The following DDR2 variants were observed in gnomAD, a reference collection of about 807,000 sequenced individuals.
The protein encoded by DDR2 is discoidin domain receptor tyrosine kinase 2, also known as discoidin domain-containing receptor 2.
Under a neutral mutation model 94.9 loss-of-function variants are expected in DDR2, and 27 were observed. The observed-to-expected ratio is 0.28, with a 90% confidence interval of 0.21 to 0.39. DDR2 has a LOEUF of 0.39. Ranked by LOEUF, DDR2 falls within the 10% of genes least tolerant of loss-of-function variation. The pLI, the probability that DDR2 is intolerant of heterozygous loss-of-function variation, is 1.00. For missense variants in DDR2, 783 were observed against 1,076.0 expected (o/e 0.73, Z 3.81); for synonymous variants, 382 against 377.2 (o/e 1.01, Z -0.15).
intron 9 of DDR2, among the ~76,000 whole-genome samples, chr1:162,762,302 T>G (rs1255499240): frequency 1.3e-5 from 2 of 152,230 alleles, no homozygotes; most frequent in Admixed American, 1.3e-4. Flanking sequence ...GGTGCTTACA[T>G]CTACAGGTTA....
At chr1:162,755,810 C>T in intron 7 of DDR2, 41 bp downstream of exon 7, 1 of 1,489,676 alleles carries the variant, frequency 6.7e-7, no homozygotes, top group Non-Finnish European at 9.4e-7. Flanking sequence ...AAATTGGCCA[C>T]TAAGAAAGAA....
chr1:162,657,221 C>T (rs534614165), intron 2 of DDR2, among the ~76,000 whole-genome samples: 3 of 152,212 alleles, frequency 2.0e-5, no homozygotes, highest in Non-Finnish European at 1.5e-5. Flanking sequence ...CCTGTGAAGC[C>T]TGATTTTGGT....
chr1:162,786,999 C>A lies in DDR2; in HGVS notation c.*6753C>A, dbSNP rs1648176256. On this transcript the variant is annotated 3_prime_UTR_variant, in exon 18 of 18. Transcript: ENST00000367921. ...CACAAACCAAAAAAAACTATGAAAACCAGAATTTAGACTCAGTCATTATAC... is the reference window on the plus strand; with the variant it reads ...CACAAACCAAAAAAAACTATGAAAAACAGAATTTAGACTCAGTCATTATAC... The A allele has an allele frequency of 6.6e-6, 1 of 152,142 alleles. No homozygotes were observed. Among genetic ancestry groups the A allele is most frequent in the African/African-American group, 2.4e-5 (1 of 41,426 alleles). 9.4% of individuals were successfully genotyped at this position (152,142 alleles called of 1,614,324 possible).
intron 3 of DDR2, among the ~76,000 whole-genome samples, chr1:162,736,491 A>G (rs1471143285): frequency 6.6e-6 from 1 of 152,254 alleles, no homozygotes; most frequent in African/African-American, 2.4e-5. Flanking sequence ...TGGCCTTTGC[A>G]GTTAAAACTT....
At chr1:162,762,970 G>A (rs1663816161) in intron 9 of DDR2, among the ~76,000 whole-genome samples, 1 of 152,096 alleles carries the variant, frequency 6.6e-6, no homozygotes, top group African/African-American at 2.4e-5. Context: ...CCAAGTAGCT[G>A]GGATTACAGG....
intron 2 of DDR2, among the ~76,000 whole-genome samples, chr1:162,696,161 C>A (rs898695626): frequency 6.7e-6 from 1 of 150,112 alleles, no homozygotes; most frequent in Non-Finnish European, 1.5e-5. Context: ...ATCTTCTGAC[C>A]GACAGAAGAC....
chr1:162,767,216 T>G lies in DDR2; in HGVS notation c.1163-13T>G. 6.2e-7 allele frequency: 1 copy of G among 1,614,070 alleles called. No individual in the cohort carries two copies. Among genetic ancestry groups the G allele is most frequent in the Non-Finnish European group, 8.5e-7 (1 of 1,179,970 alleles). ...AGATGATTGTATTCTCTGCCTTCTC[T>G]CCCTGGTCACAGATCCAATGCTTAA... is the stretch of plus-strand genomic sequence containing the variant. On this transcript the variant is annotated splice_polypyrimidine_tract_variant and intron_variant, in intron 10 of 17. Coordinates refer to ENST00000367921, the MANE Select transcript of DDR2 (RefSeq NM_006182.4).
At chr1:162,707,301 A>T (rs533861748) in intron 2 of DDR2, among the ~76,000 whole-genome samples, 1 of 152,210 alleles carries the variant, frequency 6.6e-6, no homozygotes, top group African/African-American at 2.4e-5. Context: ...CTAAGTCCCT[A>T]TGAGGTCTAC....
chr1:162,641,833 A>G (rs149545518), intron 1 of DDR2, among the ~76,000 whole-genome samples: 1,626 of 152,344 alleles, frequency 0.011, 16 homozygotes, highest in Non-Finnish European at 0.015. Context: ...ATTTGTGAAC[A>G]TTGTAGAAAT....
At chr1:162,701,455 T>C (rs138357134) in intron 2 of DDR2, among the ~76,000 whole-genome samples, 1 of 152,380 alleles carries the variant, frequency 6.6e-6, no homozygotes, top group Non-Finnish European at 1.5e-5. Flanking sequence ...TATTGCTAGG[T>C]AAGGCTTTGA....
intron 10 of DDR2, among the ~76,000 whole-genome samples, chr1:162,766,527 T>C (rs1417524975): frequency 1.3e-5 from 2 of 152,238 alleles, no homozygotes; most frequent in Non-Finnish European, 2.9e-5. Flanking sequence ...AAGAGGACTT[T>C]CAGCTACCTT....
intron 1 of DDR2, among the ~76,000 whole-genome samples, chr1:162,640,331 C>T (rs1056344192): frequency 7.9e-5 from 12 of 152,088 alleles, no homozygotes; most frequent in Non-Finnish European, 1.2e-4. Flanking sequence ...TGAGCCACCG[C>T]GCCCAGCTGA....
In DDR2 at chr1:162,755,166, G is replaced by C; in HGVS notation, c.428G>C (p.Gly143Ala). The C allele has an allele frequency of 6.2e-7, 1 of 1,614,024 alleles. No homozygotes were observed. ...CTTCTCTCTCCTCAGGTGCTGGATG[G>C]AAATAGTAACCCCTATGACATTTTC... ...RNRHGKQVLD[G>A]NSNPYDIFLK... Residue 143 changes from glycine (G) to alanine (A), a missense_variant, in exon 6 of 18, where the codon GGA (glycine) becomes GCA (alanine). This residue lies in a region of DDR2 where 519 missense variants were observed against 647.9 expected (regional missense o/e 0.80). Transcript: ENST00000367921.
rs201826907 is a variant in DDR2 at position 162,753,192 on chromosome 1, T to C, written c.180T>C (p.Tyr60=). 1 of 1,612,908 alleles carries C rather than the reference T, an allele frequency of 6.2e-7. No homozygotes were observed. The highest frequency in any genetic ancestry group is 2.2e-5 in the East Asian group (1 of 44,842). The change falls in exon 4 of 18, where the codon TAT becomes TAC. Residue 60 remains tyrosine, a synonymous_variant. Coordinates refer to ENST00000367921, the MANE Select transcript of DDR2 (RefSeq NM_006182.4). The stretch of plus-strand genomic sequence containing the variant: ...GGTCAGAGTCCACAGCTGCCAAATA[T>C]GGAAGGTGAGGATGGTTACATCAAG... The part of the protein sequence containing the change: ...SQWSESTAAK[Y]GRLDSEEGDG...
At chr1:162,645,479 A>G (rs1337096459) in intron 1 of DDR2, among the ~76,000 whole-genome samples, 1 of 152,208 alleles carries the variant, frequency 6.6e-6, no homozygotes, top group Non-Finnish European at 1.5e-5. Flanking sequence ...ATCAAATATA[A>G]CTATGAAACC....
intron 3 of DDR2, among the ~76,000 whole-genome samples, chr1:162,745,732 T>G (rs534897932): frequency 6.6e-6 from 1 of 152,326 alleles, no homozygotes; most frequent in South Asian, 2.1e-4. Context: ...TAAAATATTT[T>G]GAAATTAGGA....
chr1:162,751,999 G>A (rs748290405), intron 3 of DDR2, among the ~76,000 whole-genome samples: 3 of 152,114 alleles, frequency 2.0e-5, no homozygotes, highest in Admixed American at 2.0e-4. Context: ...CCTGTCGTGG[G>A]GTGAGGGGAC....
At chr1:162,765,290 G>A (rs1663936300) in intron 9 of DDR2, among the ~76,000 whole-genome samples, 1 of 152,102 alleles carries the variant, frequency 6.6e-6, no homozygotes. Flanking sequence ...ACATGCAGAG[G>A]CCAGATACCT....
chr1:162,733,117 T>C (rs1204578025), intron 3 of DDR2, among the ~76,000 whole-genome samples: 1 of 152,250 alleles, frequency 6.6e-6, no homozygotes, highest in African/African-American at 2.4e-5. Flanking sequence ...GACACTTCTT[T>C]GCTGCAGGGT....
Sources: allele counts gnomAD v4.1 joint callset (sites outside exome capture counted in the v4.1 genomes callset), GRCh38; gene constraint gnomAD v4.1.1; regional missense constraint gnomAD v4.1.1; transcripts MANE v1.5; gene names NCBI Gene and HGNC (gene_info 2026-07-23, HGNC 2026-07-21).